ARSG: variants seen among roughly 807,000 people sequenced by gnomAD.
ARSG encodes the protein arylsulfatase G.
A neutral mutation model predicts 50.5 loss-of-function variants in ARSG; 37 were observed. The observed-to-expected ratio is 0.73, with a 90% CI of 0.56 to 0.96. The LOEUF is 0.96. Among genes scored for constraint, ARSG ranks in the 50% least tolerant of loss-of-function variants. The pLI, the probability that ARSG is intolerant of heterozygous loss-of-function variation, is 0.00. For missense variants in ARSG, 629 were observed against 675.3 expected (o/e 0.93, Z 0.76); for synonymous variants, 225 against 254.6 (o/e 0.88, Z 1.11).
At chr17:68,362,273 C>A (rs1599881331) in intron 6 of ARSG, among the ~76,000 whole-genome samples, 2 of 152,070 alleles carry the variant, frequency 1.3e-5, no homozygotes, top group African/African-American at 4.8e-5. Flanking sequence ...CGACACCAAC[C>A]TATGTCAGGG....
At chr17:68,272,522 G>T in intron 1 of ARSG, 1 of 1,182,398 alleles carries the variant, frequency 8.5e-7, no homozygotes, top group South Asian at 1.5e-5. Context: ...CGTAAATAAC[G>T]TCTCATTACA....
intron 1 of ARSG, among the ~76,000 whole-genome samples, chr17:68,279,380 A>G (rs2075623597): frequency 6.6e-6 from 1 of 152,058 alleles, no homozygotes; most frequent in Non-Finnish European, 1.5e-5. Flanking sequence ...TTGGTGTTCC[A>G]TGTGGATGTA....
intron 8 of ARSG, among the ~76,000 whole-genome samples, chr17:68,372,299 TCGA>T (rs2079886450): frequency 6.6e-6 from 1 of 152,158 alleles, no homozygotes; most frequent in Non-Finnish European, 1.5e-5. Context: ...AATTGATCGA[TCGA>T]TCGATCGAAA....
downstream of ARSG, among the ~76,000 whole-genome samples, chr17:68,425,419 C>T (rs1341118120): frequency 2.2e-5 from 3 of 138,188 alleles, no homozygotes. Flanking sequence ...TGGGGTTTTG[C>T]TGTGTTGCCC....
In ARSG at chr17:68,271,183, T is replaced by C; in HGVS notation, c.-552+11757T>C. The stretch of plus-strand genomic sequence containing the variant: ...AGATAATAAAAAAGCAGCGCGGTCC[T>C]GGTCAATGCCCAGACTAATGCCCAG... On this transcript the variant is annotated intron_variant, in intron 1 of 11. Transcript: ENST00000448504. This position sits in a 1 kb window ranked among gnomAD's most constrained non-coding sequence, Gnocchi z 5.3. The C allele has an allele frequency of 6.2e-7, 1 of 1,614,088 alleles. No homozygotes were observed. The highest frequency in any genetic ancestry group is 8.5e-7 in the Non-Finnish European group (1 of 1,180,042).
chr17:68,411,770 T>C (rs1006562652), intron 11 of ARSG, among the ~76,000 whole-genome samples: 9 of 148,340 alleles, frequency 6.1e-5, no homozygotes, highest in Non-Finnish European at 1.0e-4. Context: ...AGTCTCTTTG[T>C]AGGTCACTCA....
chr17:68,404,677 C>T (rs1185568813), intron 11 of ARSG, among the ~76,000 whole-genome samples: 1 of 152,106 alleles, frequency 6.6e-6, no homozygotes, highest in Non-Finnish European at 1.5e-5. Context: ...GAAATATTCC[C>T]TTCTCTATTT....
intron 1 of ARSG, among the ~76,000 whole-genome samples, chr17:68,296,491 C>T (rs1301913850): frequency 1.3e-5 from 2 of 152,128 alleles, no homozygotes; most frequent in East Asian, 1.9e-4. Flanking sequence ...GGGGACGATG[C>T]GAAGAAACTA....
intron 11 of ARSG, among the ~76,000 whole-genome samples, chr17:68,408,310 T>G: frequency 7.8e-6 from 1 of 128,136 alleles, no homozygotes; most frequent in Non-Finnish European, 1.6e-5. Context: ...GAGTGTGATG[T>G]TCCCCTTCCT....
At chr17:68,308,900 C>T (rs781994894) in intron 2 of ARSG, among the ~76,000 whole-genome samples, 76 of 152,394 alleles carry the variant, frequency 5.0e-4, no homozygotes, top group Admixed American at 4.0e-3. Flanking sequence ...GCCAGTCCCG[C>T]GCCCTGCGCC....
At chr17:68,317,773 CA>C (rs1171165182) in intron 2 of ARSG, among the ~76,000 whole-genome samples, 3 of 152,134 alleles carry the variant, frequency 2.0e-5, no homozygotes, top group Non-Finnish European at 4.4e-5. Flanking sequence ...ATGAAAATGT[CA>C]GGGACTTAGT....
At chr17:68,350,904 A>G (rs187462016) in intron 4 of ARSG, among the ~76,000 whole-genome samples, 25 of 152,304 alleles carry the variant, frequency 1.6e-4, no homozygotes, top group Admixed American at 5.9e-4. Flanking sequence ...TTGGGTTTCA[A>G]TGCTCACACC....
At position 68,411,374 on chromosome 17, in the gene ARSG, A is replaced by G. The variant is rs372370786; in HGVS notation, c.1304-8815A>G. ...ACATCTTTATTTCTGCCTTCATTTC[A>G]TTATGTACCCAGTAGTCATTCAGGA... On this transcript the variant is annotated intron_variant, in intron 11 of 11. Transcript: ENST00000621439. Among the ~76,000 whole-genome samples the G allele has an allele frequency of 4.3e-3, 652 of 152,150 alleles. 2 individuals are homozygous for G. Among genetic ancestry groups the G allele is most frequent in the African/African-American group, 0.015 (629 of 41,516 alleles).
chr17:68,282,667 G>GGCATGGT (rs1480675073), intron 1 of ARSG, among the ~76,000 whole-genome samples: 1 of 151,276 alleles, frequency 6.6e-6, no homozygotes, highest in African/African-American at 2.4e-5. Context: ...AGCAGTGCCG[G>GGCATGGT]GCATGGTGGC....
At chr17:68,351,313 C>T (rs1313398866) in intron 4 of ARSG, among the ~76,000 whole-genome samples, 1 of 151,692 alleles carries the variant, frequency 6.6e-6, no homozygotes, top group African/African-American at 2.4e-5. Context: ...GTTAGGCATT[C>T]AATAATTCTC....
chr17:68,430,235 G>T, the ARSG span: 1 of 1,463,354 alleles, frequency 6.8e-7, no homozygotes, highest in South Asian at 1.3e-5. Flanking sequence ...CCACACCCAA[G>T]CGTCATTAGC....
chr17:68,389,973 CCTTTCTTTCTTT>C (rs72124884), intron 9 of ARSG, among the ~76,000 whole-genome samples: 8 of 150,668 alleles, frequency 5.3e-5, no homozygotes, highest in East Asian at 2.0e-4. Flanking sequence ...GCAGGCCAGG[CCTTTCTTTCTTT>C]CTTTCTTTCT....
intron 1 of ARSG, among the ~76,000 whole-genome samples, chr17:68,303,740 G>T (rs140444820): frequency 6.6e-6 from 1 of 152,132 alleles, no homozygotes; most frequent in Non-Finnish European, 1.5e-5. Context: ...ATGAGCCACC[G>T]CACCCAGCCC....
At chr17:68,424,643 A>C (rs2083035801), downstream of ARSG, 1 of 392,166 alleles carries the variant, frequency 2.5e-6, no homozygotes, top group Non-Finnish European at 5.1e-6. Context: ...TGGGAGGCCG[A>C]GACGAGTGGA....
Sources: gnomAD v4.1 joint callset for allele counts (sites outside exome capture counted in the v4.1 genomes callset) on GRCh38, gnomAD v4.1.1 for gene constraint, Gnocchi (gnomAD v3.1) non-coding constraint, MANE v1.5 for transcripts, NCBI Gene and HGNC (gene_info 2026-07-23, HGNC 2026-07-21) for gene names.